Variants in DTNA observed in about 807,000 individuals in gnomAD.
DTNA encodes the protein dystrophin-related protein 3.
In DTNA, 43 loss-of-function variants were observed where a neutral mutation model predicts 100.7. The observed-to-expected ratio is 0.43, with a 90% CI of 0.33 to 0.55. The LOEUF (loss-of-function observed/expected upper bound fraction) is 0.55, where lower values mean the gene tolerates loss of function less well. Ranked by LOEUF, DTNA falls within the 20% of genes least tolerant of loss-of-function variation. The pLI, the probability that DTNA is intolerant of heterozygous loss-of-function variation, is 0.04. For missense variants in DTNA, 798 were observed against 953.9 expected (o/e 0.84, Z 2.15); for synonymous variants, 349 against 347.9 (o/e 1.00, Z -0.04).
chr18:34,776,838 C>G (rs1448342546), intron 3 of DTNA, among the ~76,000 whole-genome samples: 1 of 152,200 alleles, frequency 6.6e-6, no homozygotes, highest in Non-Finnish European at 1.5e-5. Context: ...TCCTCCCACT[C>G]TCCTATCTGG....
intron 1 of DTNA, among the ~76,000 whole-genome samples, chr18:34,532,904 G>C (rs1166185205): frequency 2.6e-5 from 4 of 151,952 alleles, no homozygotes; most frequent in Non-Finnish European, 4.4e-5. Flanking sequence ...AGGAATGGTT[G>C]GATACAGGGA....
intron 1 of DTNA, among the ~76,000 whole-genome samples, chr18:34,604,913 A>C (rs1421661861): frequency 6.6e-6 from 1 of 152,140 alleles, no homozygotes; most frequent in African/African-American, 2.4e-5. Flanking sequence ...TTATTCTCAG[A>C]GAGTATGCTT....
intron 1 of DTNA, 133 bp downstream of exon 1, chr18:34,710,578 C>T (rs935524225): frequency 2.0e-5 from 3 of 151,934 alleles, no homozygotes; most frequent in African/African-American, 7.3e-5. Flanking sequence ...TCCTGCCCAC[C>T]CTCCTAGCTC....
At chr18:34,762,680 G>A in intron 2 of DTNA, among the ~76,000 whole-genome samples, 1 of 152,166 alleles carries the variant, frequency 6.6e-6, no homozygotes, top group East Asian at 1.9e-4. Context: ...GGATCCTGCA[G>A]CTAACACATA....
intron 1 of DTNA, among the ~76,000 whole-genome samples, chr18:34,610,555 A>T (rs1214416249): frequency 2.6e-5 from 4 of 152,178 alleles, no homozygotes; most frequent in African/African-American, 9.7e-5. Context: ...AGGTACATTT[A>T]AAAAATGTAT....
chr18:34,704,915 A>G (rs1329306429), intron 1 of DTNA, among the ~76,000 whole-genome samples: 1 of 152,180 alleles, frequency 6.6e-6, no homozygotes, highest in Non-Finnish European at 1.5e-5. Flanking sequence ...GAGAGAATAT[A>G]TCCATCAAAT....
chr18:34,652,658 A>C (rs1011514665), intron 1 of DTNA, among the ~76,000 whole-genome samples: 1 of 152,196 alleles, frequency 6.6e-6, no homozygotes, highest in African/African-American at 2.4e-5. Context: ...CACTTCTGTG[A>C]AGGTCCCCAG....
At chr18:34,858,700 C>T (rs1490261278) in intron 16 of DTNA, among the ~76,000 whole-genome samples, 1 of 152,214 alleles carries the variant, frequency 6.6e-6, no homozygotes, top group Non-Finnish European at 1.5e-5. Flanking sequence ...CAACCTCTGC[C>T]TTCCAGGTAC....
At chr18:34,520,302 G>A (rs1440967347) in intron 1 of DTNA, among the ~76,000 whole-genome samples, 1 of 152,172 alleles carries the variant, frequency 6.6e-6, no homozygotes, top group Non-Finnish European at 1.5e-5. Context: ...TTCTGGGATG[G>A]ATCCTTGAAG....
intron 1 of DTNA, among the ~76,000 whole-genome samples, chr18:34,730,936 C>T (rs1455010928): frequency 6.6e-6 from 1 of 152,126 alleles, no homozygotes; most frequent in Non-Finnish European, 1.5e-5. Flanking sequence ...CTCCAGAAAC[C>T]TCTATCTGCT....
At chr18:34,766,732 C>T (rs928134402) in intron 3 of DTNA, among the ~76,000 whole-genome samples, 2 of 152,016 alleles carry the variant, frequency 1.3e-5, no homozygotes, top group Non-Finnish European at 2.9e-5. Context: ...AACATTAAAT[C>T]CCCCTTATAT....
intron 1 of DTNA, among the ~76,000 whole-genome samples, chr18:34,646,482 T>C (rs1319072926): frequency 1.3e-5 from 2 of 152,184 alleles, no homozygotes; most frequent in African/African-American, 4.8e-5. Context: ...GTAAATGATG[T>C]GAATTTACCA....
chr18:34,763,821 C>T (rs1228942614), intron 2 of DTNA, among the ~76,000 whole-genome samples: 3 of 152,144 alleles, frequency 2.0e-5, no homozygotes, highest in African/African-American at 2.4e-5. Flanking sequence ...TGAAGCCCTA[C>T]TGGGTACCAG....
At chr18:34,746,688 C>T (rs1413733352) in intron 1 of DTNA, among the ~76,000 whole-genome samples, 1 of 152,136 alleles carries the variant, frequency 6.6e-6, no homozygotes, top group African/African-American at 2.4e-5. Context: ...GGCAGGGCTC[C>T]CCAGTCCCTC....
At chr18:34,541,815 C>T (rs1474743894) in intron 1 of DTNA, among the ~76,000 whole-genome samples, 3 of 152,002 alleles carry the variant, frequency 2.0e-5, no homozygotes, top group African/African-American at 4.8e-5. Flanking sequence ...GAGAGTTGTC[C>T]TTGAGAAAAG....
rs1429086230 is a variant in DTNA at position 34,891,510 on chromosome 18, A to G, written c.*3776A>G. On this transcript the variant is annotated 3_prime_UTR_variant, in exon 23 of 23. Coordinates refer to ENST00000444659, the MANE Select transcript of DTNA (RefSeq NM_001386795.1). The stretch of plus-strand genomic sequence containing the variant: ...GTACTTGCAGTTTAAAGCAGGACCC[A>G]TTGATGGAATATTGAGCCACCGAGG... 6.6e-6 allele frequency: 1 copy of G among 152,258 alleles called. No individual in the cohort carries two copies. The highest frequency in any genetic ancestry group is 1.5e-5 in the Non-Finnish European group (1 of 68,032). 9.4% of individuals were successfully genotyped at this position (152,258 alleles called of 1,614,324 possible). A position where few individuals can be genotyped will look rare whatever the true frequency, so the allele number is the denominator to read the frequency against.
At chr18:34,575,061 C>T (rs1457955337) in intron 1 of DTNA, among the ~76,000 whole-genome samples, 1 of 152,178 alleles carries the variant, frequency 6.6e-6, no homozygotes. Context: ...GTGTCCGGCT[C>T]CTCAGAGGCA....
intron 1 of DTNA, among the ~76,000 whole-genome samples, chr18:34,614,799 A>G (rs1347683770): frequency 6.6e-6 from 1 of 152,256 alleles, no homozygotes; most frequent in African/African-American, 2.4e-5. Context: ...AGACTCTGTC[A>G]ACATTGTTGA....
intron 5 of DTNA, among the ~76,000 whole-genome samples, chr18:34,811,146 A>G (rs1455350852): frequency 6.6e-6 from 1 of 152,218 alleles, no homozygotes; most frequent in African/African-American, 2.4e-5. Context: ...AAACCCTTTC[A>G]TTCTAATAGT....
Sources: gnomAD v4.1 joint callset for allele counts (sites outside exome capture counted in the v4.1 genomes callset) on GRCh38, gnomAD v4.1.1 for gene constraint, MANE v1.5 for transcripts, NCBI Gene and HGNC (gene_info 2026-07-23, HGNC 2026-07-21) for gene names.